The following SMARCAL1 variants were observed in gnomAD, a reference collection of about 807,000 sequenced individuals.
SMARCAL1 encodes ATP-driven annealing helicase.
In SMARCAL1, 58 loss-of-function variants were observed where a neutral mutation model predicts 94.5. The ratio of observed to expected loss-of-function variants is 0.61; its 90% CI spans 0.50 to 0.76. The LOEUF (loss-of-function observed/expected upper bound fraction) is 0.76, where lower values mean the gene tolerates loss of function less well. Among genes scored for constraint, SMARCAL1 ranks in the 30% least tolerant of loss-of-function variants. The pLI is 0.00. For missense variants in SMARCAL1, 1,051 were observed against 1,177.9 expected, an observed-to-expected ratio of 0.89 and a Z score of 1.58; for synonymous variants, 422 against 455.1, an observed-to-expected ratio of 0.93 and a Z score of 0.93.
chr2:216,480,265 A>T (rs533996254), intron 17 of SMARCAL1, among the ~76,000 whole-genome samples: 1 of 152,328 alleles, frequency 6.6e-6, no homozygotes, highest in East Asian at 1.9e-4. Flanking sequence ...AACTACTAGA[A>T]AAAGAAAATG....
chr2:216,432,587 A>C lies in SMARCAL1; in HGVS notation c.1335-131A>C, dbSNP rs989363708. On this transcript the variant is annotated intron_variant, in intron 7 of 17. Transcript: ENST00000357276. The stretch of plus-strand genomic sequence containing the variant: ...TATGTACCTTTCCTTCTGGGGAGCA[A>C]GTCTGGTGGTGGGCTGGGCCCGGGC... 3.6e-4 allele frequency: 362 copies of C among 1,015,670 alleles called. 1 individual carries two copies. Among genetic ancestry groups the C allele is most frequent in the South Asian group, 6.2e-4 (47 of 75,232 alleles). The allele number at this position is 1,015,670 out of a possible 1,614,324, so 62.9% of individuals were successfully genotyped here.
At chr2:216,423,776 T>C in intron 6 of SMARCAL1, 93 bp downstream of exon 6, 1 of 1,168,522 alleles carries the variant, frequency 8.6e-7, no homozygotes, top group Non-Finnish European at 1.3e-6. Context: ...AATCTTCTCC[T>C]CCCTTTGCTG....
In SMARCAL1 at chr2:216,478,826, C is replaced by G. The variant is rs112044551; in HGVS notation, c.2625+527C>G. Among the ~76,000 whole-genome samples the G allele has an allele frequency of 2.9e-3, 436 of 151,964 alleles. 6 individuals are homozygous for G. Among genetic ancestry groups the G allele is most frequent in the East Asian group, 0.026 (133 of 5,144 alleles). On this transcript the variant is annotated intron_variant, in intron 17 of 17. Coordinates refer to ENST00000357276, the MANE Select transcript of SMARCAL1 (RefSeq NM_014140.4). ...TGTGAAGCCAGCCCAAGGAAGAAGG[C>G]TTCCTGACTTGGCCCAGCATTCCTC...
In SMARCAL1 at chr2:216,467,819, A is replaced by G. The variant is rs901683978; in HGVS notation, c.2142-125A>G. On this transcript the variant is annotated intron_variant, in intron 13 of 17. Coordinates refer to ENST00000357276, the MANE Select transcript of SMARCAL1 (RefSeq NM_014140.4). ...ACACATTATAATGATAGTCGGAGGT[A>G]AAGTGAAAACTGTTGATCATCTTCT... 6 of 711,504 alleles carry G rather than the reference A, an allele frequency of 8.4e-6. No individual in the cohort carries two copies. In the Admixed American group the frequency reaches 1.2e-4, roughly 14 times the overall value. The allele number at this position is 711,504 out of a possible 1,614,324, so 44.1% of individuals were successfully genotyped here. A position where few individuals can be genotyped will look rare whatever the true frequency, so the allele number is the denominator to read the frequency against.
chr2:216,453,261 C>T (rs1225565376), intron 12 of SMARCAL1, among the ~76,000 whole-genome samples: 3 of 152,206 alleles, frequency 2.0e-5, no homozygotes, highest in East Asian at 1.9e-4. Context: ...GAAAGTTAAA[C>T]GTTTATCCCT....
At chr2:216,461,557 C>T (rs916894208) in intron 12 of SMARCAL1, among the ~76,000 whole-genome samples, 1 of 152,054 alleles carries the variant, frequency 6.6e-6, no homozygotes, top group Non-Finnish European at 1.5e-5. Context: ...GCCAGGTGTG[C>T]TGGCTCACTC....
intron 14 of SMARCAL1, 112 bp downstream of exon 14, chr2:216,468,158 G>A (rs1694871254): frequency 1.4e-6 from 1 of 738,282 alleles, no homozygotes. Context: ...CGGAAGCATT[G>A]CTGAAGACTT....
chr2:216,450,897 C>T lies in SMARCAL1; in HGVS notation c.1903C>T (p.Leu635Phe). The T allele has an allele frequency of 6.2e-7, 1 of 1,614,224 alleles. No homozygotes were observed. The highest frequency in any genetic ancestry group is 8.5e-7 in the Non-Finnish European group (1 of 1,180,040). Residue 635 changes from leucine to phenylalanine, a missense_variant, in exon 12 of 18, where the codon CTC becomes TTC. Leu to Phe is a conservative substitution (Grantham distance 22). Transcript: ENST00000357276. ...SGSSNLGELK[L>F]LLEEAVMLRR... ...TTCCTCCAACCTGGGAGAGCTGAAG[C>T]TCCTGCTGGAGGAAGCAGTCATGCT... is the stretch of plus-strand genomic sequence containing the variant.
intron 10 of SMARCAL1, among the ~76,000 whole-genome samples, chr2:216,440,923 A>T (rs1272625695): frequency 6.6e-6 from 1 of 152,176 alleles, no homozygotes; most frequent in African/African-American, 2.4e-5. Flanking sequence ...AGGGAGGACA[A>T]ATCACTCTCT....
intron 12 of SMARCAL1, among the ~76,000 whole-genome samples, chr2:216,462,246 C>A (rs941676654): frequency 2.6e-5 from 4 of 152,170 alleles, no homozygotes; most frequent in African/African-American, 9.7e-5. Context: ...TGCCCTCTTT[C>A]TTTCTTATTA....
Position 216,483,043 on chromosome 2 carries a change from T to G in SMARCAL1, c.*66T>G. 6.3e-7 allele frequency: 1 copy of G among 1,592,780 alleles called. No homozygotes were observed. The highest frequency in any genetic ancestry group is 8.5e-7 in the Non-Finnish European group (1 of 1,170,064). On this transcript the variant is annotated 3_prime_UTR_variant, in exon 18 of 18. Transcript: ENST00000357276. ...TGGAATTGAAATAAAATAATGTATTTTGTTTTAAAACTTTTTGAGCTTCTC... is the reference window on the plus strand; with the variant it reads ...TGGAATTGAAATAAAATAATGTATTGTGTTTTAAAACTTTTTGAGCTTCTC...
intron 13 of SMARCAL1, among the ~76,000 whole-genome samples, chr2:216,465,326 G>T (rs1031366463): frequency 6.6e-6 from 1 of 152,162 alleles, no homozygotes; most frequent in African/African-American, 2.4e-5. Context: ...GTTGTCCCCA[G>T]CACCAAAGGG....
At position 216,420,545 on chromosome 2, in the gene SMARCAL1, TC is replaced by T. The variant is rs754947882; in HGVS notation, c.1096+14del. ...TCCAGAAGATATGGCAAGTAATTGG[TC>T]TTTGTCTGATTCCCAGAATGTGTAG... On this transcript the variant is annotated intron_variant, in intron 5 of 17. Transcript: ENST00000357276. The T allele has an allele frequency of 3.1e-6, 5 of 1,594,052 alleles. No individual in the cohort carries two copies. The South Asian group carries it at 5.5e-5, about 18-fold the overall frequency.
chr2:216,426,167 A>G (rs1204139923), intron 6 of SMARCAL1, among the ~76,000 whole-genome samples: 2 of 152,216 alleles, frequency 1.3e-5, no homozygotes, highest in African/African-American at 4.8e-5. Flanking sequence ...CAGCCACAAA[A>G]GCTGAATTTT....
Position 216,447,835 on chromosome 2 carries a change from A to G in SMARCAL1, c.1851+677A>G, listed in dbSNP as rs571822713. On this transcript the variant is annotated intron_variant, in intron 11 of 17. Transcript: ENST00000357276. ...TGGCAGGGAAGCCCTGTAAACACCA[A>G]TGCATTGCCATGGAACCCTTGTTTT... Among the ~76,000 whole-genome samples, 31 of 152,308 alleles carry G rather than the reference A, an allele frequency of 2.0e-4. 2 individuals are homozygous for G. In the South Asian group the frequency reaches 6.2e-3, roughly 31 times the overall value.
chr2:216,480,367 C>G (rs909330), intron 17 of SMARCAL1, among the ~76,000 whole-genome samples: 1 of 152,086 alleles, frequency 6.6e-6, no homozygotes, highest in Non-Finnish European at 1.5e-5. Flanking sequence ...TTAATCTGAT[C>G]TTGGAACTCG....
intron 15 of SMARCAL1, among the ~76,000 whole-genome samples, chr2:216,476,279 T>C (rs1695077643): frequency 6.6e-6 from 1 of 151,922 alleles, no homozygotes; most frequent in South Asian, 2.1e-4. Context: ...GTGTAGCCAT[T>C]TTATACAAGA....
At chr2:216,431,119 C>T (rs956750246) in intron 7 of SMARCAL1, among the ~76,000 whole-genome samples, 1 of 152,256 alleles carries the variant, frequency 6.6e-6, no homozygotes, top group African/African-American at 2.4e-5. Context: ...GGGTGCCACG[C>T]CATGATGCCT....
chr2:216,428,500 T>G (rs1693888730), intron 6 of SMARCAL1, 96 bp from the exon 7 acceptor site: 1 of 1,214,180 alleles, frequency 8.2e-7, no homozygotes, highest in Non-Finnish European at 1.2e-6. Flanking sequence ...AGGACCAGCA[T>G]CACTGGAAGG....
Sources: gnomAD v4.1 joint callset for allele counts (sites outside exome capture counted in the v4.1 genomes callset) on GRCh38, gnomAD v4.1.1 for gene constraint, MANE v1.5 for transcripts, NCBI Gene and HGNC (gene_info 2026-07-23, HGNC 2026-07-21) for gene names.